PKNOX2: variants seen among roughly 807,000 people sequenced by gnomAD.
PKNOX2 encodes the protein homeobox protein PKNOX2.
PKNOX2 carries 14 observed loss-of-function variants against 53.1 expected under a neutral mutation model. The ratio of observed to expected loss-of-function variants is 0.26; its 90% CI spans 0.17 to 0.41. The LOEUF is 0.41. Among genes scored for constraint, PKNOX2 ranks in the 10% least tolerant of loss-of-function variants. PKNOX2 has a pLI of 1.00. For missense variants in PKNOX2, 496 were observed against 602.8 expected (o/e 0.82, Z 1.85); for synonymous variants, 257 against 242.8 (o/e 1.06, Z -0.54).
At chr11:125,218,692 A>G (rs556606615) in intron 1 of PKNOX2, among the ~76,000 whole-genome samples, 5 of 152,166 alleles carry the variant, frequency 3.3e-5, no homozygotes, top group African/African-American at 1.2e-4. Context: ...CCTGAGCAGC[A>G]GTGCGCATGG....
At chr11:125,413,574 C>G (rs756649364) in intron 10 of PKNOX2, among the ~76,000 whole-genome samples, 1 of 152,176 alleles carries the variant, frequency 6.6e-6, no homozygotes, top group Non-Finnish European at 1.5e-5. Context: ...GGGTGACATA[C>G]GATGCAGGGT....
chr11:125,304,024 G>T (rs1022813495), intron 2 of PKNOX2, among the ~76,000 whole-genome samples: 2 of 152,238 alleles, frequency 1.3e-5, no homozygotes, highest in Non-Finnish European at 2.9e-5. Flanking sequence ...AGGAATGCAG[G>T]GATGTTGTTG....
rs1954513996 is a variant in PKNOX2, at chr11:125,397,997, C to T, written c.523C>T (p.Leu175=). The part of the protein sequence containing the change: ...CLKTKMHSDN[L]LRNDLGGPYS... ...CAAAACCAAGATGCACAGCGACAAC[C>T]TGCTCAGGAATGATCTAGGGGGGCC... Residue 175 remains leucine (L), a synonymous_variant, in exon 7 of 13, where the codon CTG becomes TTG. Transcript: ENST00000298282. 1 of 1,614,080 alleles carries T rather than the reference C, an allele frequency of 6.2e-7. No individual in the cohort carries two copies. The highest frequency in any genetic ancestry group is 1.3e-5 in the African/African-American group (1 of 74,936).
chr11:125,215,527 G>A (rs537740390), intron 1 of PKNOX2, among the ~76,000 whole-genome samples: 55 of 152,132 alleles, frequency 3.6e-4, no homozygotes, highest in African/African-American at 1.2e-3. Flanking sequence ...TGAAGCAGGC[G>A]GATCACCTGA....
chr11:125,243,623 CTT>C lies in PKNOX2; in HGVS notation c.-130+8524_-130+8525del, dbSNP rs1284507032. On this transcript the variant is annotated intron_variant, in intron 2 of 12. Transcript: ENST00000298282. ...TCTATCACAGTATACCTGGGACTTT[CTT>C]TTTTTTTTTTTTTTTGAGATAGGGT... Among the ~76,000 whole-genome samples the C allele has an allele frequency of 9.9e-3, 1,368 of 138,250 alleles. 27 individuals carry two copies. Among genetic ancestry groups the C allele is most frequent in the African/African-American group, 0.032 (1,217 of 37,552 alleles). 90.7% of individuals were successfully genotyped at this position (138,250 alleles called of 152,430 possible).
chr11:125,315,124 G>A (rs1033651668), intron 2 of PKNOX2, among the ~76,000 whole-genome samples: 1 of 151,926 alleles, frequency 6.6e-6, no homozygotes, highest in Non-Finnish European at 1.5e-5. Context: ...GAGGGAGGCA[G>A]GAGGTTCACA....
chr11:125,165,171 C>T lies in PKNOX2; in HGVS notation c.-201+395C>T, dbSNP rs1451311738. On this transcript the variant is annotated intron_variant, in intron 1 of 12. Coordinates refer to ENST00000298282, the MANE Select transcript of PKNOX2 (RefSeq NM_001382323.2). The surrounding 1 kb of genome is among the most constrained non-coding windows in gnomAD (Gnocchi z 4.5). ...CCCGCCGCCGCCGCCGCCGCCGCCTCGCCGCGCTTGGGCCCGTGGCCGGCC... is the reference window on the plus strand; with the variant it reads ...CCCGCCGCCGCCGCCGCCGCCGCCTTGCCGCGCTTGGGCCCGTGGCCGGCC... Among the ~76,000 whole-genome samples, 1 of 149,790 alleles carries T rather than the reference C, an allele frequency of 6.7e-6. No homozygotes were observed. The highest frequency in any genetic ancestry group is 2.4e-5 in the African/African-American group (1 of 41,168).
At chr11:125,428,389 A>G (rs1407465792) in intron 10 of PKNOX2, among the ~76,000 whole-genome samples, 2 of 152,280 alleles carry the variant, frequency 1.3e-5, no homozygotes, top group East Asian at 1.9e-4. Flanking sequence ...CAAAGTGGGA[A>G]TAACAATACC....
At chr11:125,230,278 A>G (rs1942096128) in intron 1 of PKNOX2, among the ~76,000 whole-genome samples, 1 of 152,208 alleles carries the variant, frequency 6.6e-6, no homozygotes, top group South Asian at 2.1e-4. Context: ...ATATCTATTT[A>G]ATTACATAAC....
chr11:125,168,774 C>G (rs1054572505), intron 1 of PKNOX2, among the ~76,000 whole-genome samples: 16 of 152,182 alleles, frequency 1.1e-4, no homozygotes, highest in Non-Finnish European at 1.2e-4. Context: ...TAAACAGCAG[C>G]AGAGCAGGGG....
chr11:125,399,492 G>T (rs998370625), intron 7 of PKNOX2, among the ~76,000 whole-genome samples: 14 of 152,344 alleles, frequency 9.2e-5, no homozygotes, highest in African/African-American at 3.4e-4. Context: ...AGCTGAGGAG[G>T]CTGTGAGGCC....
At chr11:125,367,751 G>A in intron 4 of PKNOX2, 95 bp from the exon 5 acceptor site, 1 of 1,366,890 alleles carries the variant, frequency 7.3e-7, no homozygotes, top group African/African-American at 1.5e-5. Flanking sequence ...CTCTCCTCCG[G>A]GCACAGCACA....
At chr11:125,392,612 T>A (rs1357630004) in intron 6 of PKNOX2, among the ~76,000 whole-genome samples, 1 of 152,244 alleles carries the variant, frequency 6.6e-6, no homozygotes, top group Non-Finnish European at 1.5e-5. Flanking sequence ...TGTATTTTAT[T>A]TGAGCAAAGC....
chr11:125,293,653 T>G, intron 2 of PKNOX2, among the ~76,000 whole-genome samples: 1 of 152,150 alleles, frequency 6.6e-6, no homozygotes, highest in East Asian at 1.9e-4. Flanking sequence ...TCTTGTCTCT[T>G]TAAACTCAGG....
intron 10 of PKNOX2, among the ~76,000 whole-genome samples, chr11:125,416,192 A>G (rs550007905): frequency 6.7e-6 from 1 of 150,334 alleles, no homozygotes; most frequent in African/African-American, 2.5e-5. Flanking sequence ...AGTCCCAGCT[A>G]CTTGGGAGGC....
intron 2 of PKNOX2, among the ~76,000 whole-genome samples, chr11:125,251,267 C>T (rs956082260): frequency 5.3e-5 from 8 of 152,172 alleles, no homozygotes; most frequent in East Asian, 3.9e-4. Context: ...ATTATCATTT[C>T]GCCCAACTCC....
chr11:125,425,899 C>T (rs73621262), intron 10 of PKNOX2, among the ~76,000 whole-genome samples: 1,021 of 95,288 alleles, frequency 0.011, 15 homozygotes, highest in African/African-American at 0.034. Flanking sequence ...AGCCCCACAG[C>T]GTGCGTCCTG....
rs544912434 is a variant in PKNOX2 at position 125,299,719 on chromosome 11, CT to C, written c.-129-32099del. ...CTGGTAGATGCCTGAAGTCGTTTTC[CT>C]GGGGTCCTCCTTCTTACCCGATTTG... On this transcript the variant is annotated intron_variant, in intron 2 of 12. Transcript: ENST00000298282. Among the ~76,000 whole-genome samples the C allele has an allele frequency of 1.6e-3, 240 of 152,236 alleles. 1 individual carries two copies. The highest frequency in any genetic ancestry group is 3.4e-3 in the Middle Eastern group (1 of 294).
intron 6 of PKNOX2, among the ~76,000 whole-genome samples, chr11:125,394,959 C>CGTGT (rs112812944): frequency 0.011 from 1,632 of 149,588 alleles, 31 homozygotes; most frequent in African/African-American, 0.034. Context: ...TACGTGCCCT[C>CGTGT]GTGTGTGTGT....
Sources: gnomAD v4.1 joint callset for allele counts (sites outside exome capture counted in the v4.1 genomes callset) on GRCh38, gnomAD v4.1.1 for gene constraint, Gnocchi (gnomAD v3.1) non-coding constraint, MANE v1.5 for transcripts, NCBI Gene and HGNC (gene_info 2026-07-23, HGNC 2026-07-21) for gene names.